RPL23A: variants seen among roughly 807,000 people sequenced by gnomAD.
The protein encoded by RPL23A is large ribosomal subunit protein uL23.
RPL23A carries 2 observed loss-of-function variants against 17.6 expected under a neutral mutation model. The ratio of observed to expected loss-of-function variants is 0.11; its 90% CI spans 0.05 to 0.36. The LOEUF (loss-of-function observed/expected upper bound fraction) is 0.36. Ranked by LOEUF, RPL23A falls within the 10% of genes least tolerant of loss-of-function variation. RPL23A has a pLI of 1.00. For missense variants in RPL23A, 132 were observed against 194.4 expected, an observed-to-expected ratio of 0.68 and a Z score of 1.91; for synonymous variants, 65 against 74.3, an observed-to-expected ratio of 0.87 and a Z score of 0.65.
In RPL23A at chr17:28,723,987, A is replaced by T; in HGVS notation, c.*106A>T. 2.7e-6 allele frequency: 2 copies of T among 730,092 alleles called. No homozygotes were observed. The highest frequency in any genetic ancestry group is 4.4e-6 in the Non-Finnish European group (2 of 450,616). The allele number at this position is 730,092 out of a possible 1,614,324, so 45.2% of individuals were successfully genotyped here. ...TTGGGCTGGGAGGCCACACACACAC[A>T]CTGACATGACAGGGCTTGGGCAAGA... On this transcript the variant is annotated 3_prime_UTR_variant, in exon 5 of 5. Transcript: ENST00000422514.
intron 3 of RPL23A, 23 bp from the exon 4 acceptor site, chr17:28,723,548 T>C: frequency 6.2e-7 from 1 of 1,600,458 alleles, no homozygotes; most frequent in Non-Finnish European, 8.6e-7. Flanking sequence ...TGGCAGGGAC[T>C]AAGGCTTCCT....
rs56790477 is a variant in RPL23A, at chr17:28,723,906, AATAT to A, written c.*40_*43del. ...AACTGAGTCCAGCTGCCTAATTCTG[AATAT>A]ATATATATATATATCTTTTCACCAT... On this transcript the variant is annotated 3_prime_UTR_variant, in exon 5 of 5. Coordinates refer to ENST00000422514, the MANE Select transcript of RPL23A (RefSeq NM_000984.6). 5.0e-4 allele frequency: 707 copies of A among 1,406,280 alleles called. No individual in the cohort carries two copies. The highest frequency in any genetic ancestry group is 1.4e-3 in the Middle Eastern group (6 of 4,228). The allele number at this position is 1,406,280 out of a possible 1,614,324, so 87.1% of individuals were successfully genotyped here.
intron 1 of RPL23A, chr17:28,720,290 ACATG>A (rs1281464555): frequency 6.5e-7 from 1 of 1,549,406 alleles, no homozygotes; most frequent in Non-Finnish European, 8.7e-7. Flanking sequence ...CTGGGAAGCT[ACATG>A]CATCCACTGG....
intron 4 of RPL23A, 112 bp downstream of exon 4, chr17:28,723,752 C>G: frequency 1.5e-6 from 2 of 1,354,716 alleles, no homozygotes; most frequent in Non-Finnish European, 1.1e-6. Context: ...ACTGACTGCA[C>G]CCCTATCCTT....
intron 1 of RPL23A, chr17:28,720,259 G>A: frequency 8.4e-6 from 13 of 1,543,148 alleles, no homozygotes; most frequent in Non-Finnish European, 1.1e-5. Context: ...TCATCCGCCA[G>A]GGAGGGCCAG....
In RPL23A at chr17:28,720,428, G is replaced by A. The variant is rs770919860; in HGVS notation, c.26-279G>A. 1.9e-6 allele frequency: 3 copies of A among 1,609,574 alleles called. 1 individual carries two copies. In the South Asian group the frequency reaches 3.3e-5, roughly 18 times the overall value. On this transcript the variant is annotated intron_variant, in intron 1 of 4. Transcript: ENST00000422514. ...TCTCTCCGCAGCGTGGTTTTGCGAT[G>A]GGGTATGTGTAAAATTCGTAGGACA...
In RPL23A at chr17:28,720,905, C is replaced by A; in HGVS notation, c.209+15C>A. The A allele has an allele frequency of 6.2e-7, 1 of 1,606,726 alleles. No individual in the cohort carries two copies. Among genetic ancestry groups the A allele is most frequent in the South Asian group, 1.1e-5 (1 of 90,670 alleles). On this transcript the variant is annotated intron_variant, in intron 2 of 4. Coordinates refer to ENST00000422514, the MANE Select transcript of RPL23A (RefSeq NM_000984.6). ...AGGAGAAACAAGTCAGTACTGCCCC[C>A]TGTACCCATGAAAAGATTTGGGTAT...
chr17:28,720,075 C>G (rs923248754), intron 1 of RPL23A, 45 bp downstream of exon 1: 2 of 1,549,750 alleles, frequency 1.3e-6, no homozygotes, highest in Admixed American at 3.9e-5. Flanking sequence ...CGGGGATTGC[C>G]GCGCCGCAGA....
In RPL23A at chr17:28,720,689, T is replaced by TCTTTC. The variant is rs773905368; in HGVS notation, c.26-13_26-9dup. ...ATTTCTAAATCCCGCACCCACGTTTTCTTTCCTTTTCTCCCAGCTCCTGCC... is the reference window on the plus strand; with the variant it reads ...ATTTCTAAATCCCGCACCCACGTTTTCTTTCCTTTCCTTTTCTCCCAGCTCCTGCC... On this transcript the variant is annotated splice_polypyrimidine_tract_variant and intron_variant, in intron 1 of 4. Coordinates refer to ENST00000422514, the MANE Select transcript of RPL23A (RefSeq NM_000984.6). 9 of 1,614,056 alleles carry TCTTTC rather than the reference T, an allele frequency of 5.6e-6. No individual in the cohort carries two copies. The East Asian group carries it at 1.8e-4, about 32-fold the overall frequency.
intron 1 of RPL23A, chr17:28,720,306 T>G: frequency 4.5e-6 from 7 of 1,550,510 alleles, no homozygotes; most frequent in Non-Finnish European, 5.2e-6. Flanking sequence ...ATCCACTGGT[T>G]GGAGCTCCAT....
intron 3 of RPL23A, among the ~76,000 whole-genome samples, chr17:28,723,113 TAA>T (rs774938617): frequency 4.3e-4 from 57 of 131,450 alleles, no homozygotes; most frequent in Admixed American, 6.9e-4. Flanking sequence ...AGGCCCTTTT[TAA>T]AAAAAAAAAA....
intron 4 of RPL23A, 41 bp downstream of exon 4, chr17:28,723,681 G>T (rs773961599): frequency 6.3e-7 from 1 of 1,575,154 alleles, no homozygotes; most frequent in Admixed American, 1.7e-5. Context: ...CTCACCCCTT[G>T]GGTGCAAATG....
At chr17:28,720,469 C>T (rs770795144) in intron 1 of RPL23A, 4 of 1,606,280 alleles carry the variant, frequency 2.5e-6, no homozygotes, top group Non-Finnish European at 3.4e-6. Context: ...TGGAAAGTAT[C>T]AAGCGTTCAT....
chr17:28,721,056 A>C (rs2034105583), intron 2 of RPL23A, 166 bp downstream of exon 2: 4 of 673,178 alleles, frequency 5.9e-6, no homozygotes, highest in Non-Finnish European at 9.9e-6. Flanking sequence ...CAAAACTGGC[A>C]GGATCAGCCC....
chr17:28,724,155 A>ACT lies in RPL23A; in HGVS notation c.*275_*276insTC. On this transcript the variant is annotated 3_prime_UTR_variant, in exon 5 of 5. Transcript: ENST00000422514. ...CCTCCATGGTTGAGTAACAAGCTGT[A>ACT]CAAGAACCCCTTTTATCCCTGGAAG... is the stretch of plus-strand genomic sequence containing the variant. 3.9e-6 allele frequency: 2 copies of ACT among 511,626 alleles called. No individual in the cohort carries two copies. The highest frequency in any genetic ancestry group is 6.8e-6 in the Non-Finnish European group (2 of 294,620). The allele number at this position is 511,626 out of a possible 1,614,324, so 31.7% of individuals were successfully genotyped here. A position where few individuals can be genotyped will look rare whatever the true frequency, so the allele number is the denominator to read the frequency against.
At chr17:28,722,398 C>T in intron 2 of RPL23A, 1 of 423,892 alleles carries the variant, frequency 2.4e-6, no homozygotes, top group East Asian at 5.6e-5. Flanking sequence ...AGGATGGTCA[C>T]GATCTCTTGA....
intron 1 of RPL23A, 141 bp from the exon 2 acceptor site, chr17:28,720,566 A>AG: frequency 7.2e-7 from 1 of 1,385,654 alleles, no homozygotes; most frequent in Non-Finnish European, 1.0e-6. Flanking sequence ...ATGATGGAAA[A>AG]GTTTTAATCT....
At position 28,723,399 on chromosome 17, in the gene RPL23A, A is replaced by G. The variant is rs117865072; in HGVS notation, c.387-172A>G. 3,852 of 769,798 alleles carry G rather than the reference A, an allele frequency of 5.0e-3. 16 individuals carry two copies. The highest frequency in any genetic ancestry group is 0.015 in the Middle Eastern group (67 of 4,432). The allele number at this position is 769,798 out of a possible 1,614,324, so 47.7% of individuals were successfully genotyped here. A position where few individuals can be genotyped will look rare whatever the true frequency, so the allele number is the denominator to read the frequency against. ...TGGCCTGTGGTGTTTCCCATAAGAG[A>G]ATTGGCTTTGTGGCTTCATGGTGTC... On this transcript the variant is annotated intron_variant, in intron 3 of 4. Coordinates refer to ENST00000422514, the MANE Select transcript of RPL23A (RefSeq NM_000984.6).
Position 28,720,731 on chromosome 17 carries a change from C to T in RPL23A, c.50C>T (p.Ala17Val). ...GCTCCTGCCCCTCCTAAAGCTGAAG[C>T]CAAAGCGAAGGCTTTAAAGGCCAAG... ...KEAPAPPKAE[A>V]KAKALKAKKA... Residue 17 changes from alanine to valine, a missense_variant, in exon 2 of 5, where the codon GCC becomes GTC. By Grantham distance (64) the Ala-to-Val change is moderately conservative. Coordinates refer to ENST00000422514, the MANE Select transcript of RPL23A (RefSeq NM_000984.6). 6.2e-7 allele frequency: 1 copy of T among 1,614,022 alleles called. No individual in the cohort carries two copies. Among genetic ancestry groups the T allele is most frequent in the Admixed American group, 1.7e-5 (1 of 59,988 alleles).
Sources: allele counts gnomAD v4.1 joint callset (sites outside exome capture counted in the v4.1 genomes callset), GRCh38; gene constraint gnomAD v4.1.1; transcripts MANE v1.5; gene names NCBI Gene and HGNC (gene_info 2026-07-23, HGNC 2026-07-21).